The following FBXL7 variants were observed in gnomAD, a reference collection of about 807,000 sequenced individuals.
FBXL7 encodes F-box/LRR-repeat protein 7.
Under a neutral mutation model 38.3 loss-of-function variants are expected in FBXL7, and 12 were observed. That is an observed-to-expected ratio of 0.31 (90% CI 0.20 to 0.51). The LOEUF (loss-of-function observed/expected upper bound fraction) is 0.51, where lower values mean the gene tolerates loss of function less well. Among genes scored for constraint, FBXL7 ranks in the 20% least tolerant of loss-of-function variants. The pLI is 0.98. For missense variants in FBXL7, 567 were observed against 676.4 expected, an observed-to-expected ratio of 0.84 and a Z score of 1.79; for synonymous variants, 297 against 300.9, an observed-to-expected ratio of 0.99 and a Z score of 0.13.
rs114390612 is a variant in FBXL7 at position 15,752,068 on chromosome 5, G to A, written c.127+135996G>A. 5.8e-3 allele frequency among the ~76,000 whole-genome samples: 887 copies of A among 152,268 alleles called. 4 individuals are homozygous for A. The highest frequency in any genetic ancestry group is 0.01 in the Middle Eastern group (3 of 294). ...TGAGTTTATTTCATGTCGATCTTCAGAATTTTAATTTCTAGTGCACTGAAT... is the reference window on the plus strand; with the variant it reads ...TGAGTTTATTTCATGTCGATCTTCAAAATTTTAATTTCTAGTGCACTGAAT... On this transcript the variant is annotated intron_variant, in intron 2 of 3. Coordinates refer to ENST00000504595, the MANE Select transcript of FBXL7 (RefSeq NM_012304.5).
At chr5:15,619,107 C>A (rs1233319566) in intron 2 of FBXL7, among the ~76,000 whole-genome samples, 1 of 152,230 alleles carries the variant, frequency 6.6e-6, no homozygotes, top group East Asian at 1.9e-4. Context: ...CCCTCTTTAC[C>A]CTTAGGAACT....
chr5:15,681,254 G>T (rs1742833887), intron 2 of FBXL7, among the ~76,000 whole-genome samples: 2 of 152,152 alleles, frequency 1.3e-5, no homozygotes, highest in African/African-American at 2.4e-5. Context: ...AGTTAGCAAA[G>T]ATTTCCTTAC....
chr5:15,937,370 A>C lies in FBXL7; in HGVS notation c.*184A>C. ...CAACAGAGGCCAAAGAAACGAAGCA[A>C]GACAAACAGCAAACAGGCATTTTGG... On this transcript the variant is annotated 3_prime_UTR_variant, in exon 4 of 4. Coordinates refer to ENST00000504595, the MANE Select transcript of FBXL7 (RefSeq NM_012304.5). 2.7e-6 allele frequency: 2 copies of C among 728,568 alleles called. No individual in the cohort carries two copies. Among genetic ancestry groups the C allele is most frequent in the Non-Finnish European group, 4.3e-6 (2 of 461,566 alleles). 45.1% of individuals were successfully genotyped at this position (728,568 alleles called of 1,614,324 possible).
At chr5:15,932,693 A>G (rs556486826) in intron 3 of FBXL7, among the ~76,000 whole-genome samples, 2 of 152,046 alleles carry the variant, frequency 1.3e-5, no homozygotes, top group Non-Finnish European at 2.9e-5. Context: ...GGATGTGTCT[A>G]TTATCTTACT....
intron 2 of FBXL7, among the ~76,000 whole-genome samples, chr5:15,755,184 C>T (rs1736264270): frequency 6.6e-6 from 1 of 152,142 alleles, no homozygotes; most frequent in Admixed American, 6.5e-5. Flanking sequence ...CCCTGTAAGC[C>T]TTGAAAAAGG....
At chr5:15,549,963 GTAC>G (rs760787059) in intron 1 of FBXL7, among the ~76,000 whole-genome samples, 3 of 152,176 alleles carry the variant, frequency 2.0e-5, no homozygotes, top group African/African-American at 4.8e-5. Context: ...GGCAGTCATG[GTAC>G]TGCTGCATGC....
intron 2 of FBXL7, among the ~76,000 whole-genome samples, chr5:15,773,140 C>A (rs1736773012): frequency 6.6e-6 from 1 of 152,112 alleles, no homozygotes; most frequent in Non-Finnish European, 1.5e-5. Flanking sequence ...CTCAACTGAT[C>A]CTCCTGCCTT....
chr5:15,533,964 CTT>C (rs1737506209), intron 1 of FBXL7, among the ~76,000 whole-genome samples: 1 of 151,784 alleles, frequency 6.6e-6, no homozygotes, highest in South Asian at 2.1e-4. Context: ...TTTTTTGTCT[CTT>C]TATTATTAAG....
chr5:15,690,388 AT>A (rs139119792), intron 2 of FBXL7, among the ~76,000 whole-genome samples: 4,405 of 152,134 alleles, frequency 0.029, 206 homozygotes, highest in African/African-American at 0.1. Context: ...CTGACGAAAT[AT>A]TTTTTTTAAT....
chr5:15,757,362 C>G (rs191499626), intron 2 of FBXL7, among the ~76,000 whole-genome samples: 2 of 152,150 alleles, frequency 1.3e-5, no homozygotes, highest in African/African-American at 4.8e-5. Flanking sequence ...TGGGCACTTA[C>G]ATTCCTTTGC....
chr5:15,516,013 C>A (rs919008416), intron 1 of FBXL7, among the ~76,000 whole-genome samples: 1 of 152,170 alleles, frequency 6.6e-6, no homozygotes, highest in African/African-American at 2.4e-5. Context: ...GCATAATTAA[C>A]CCAGCTACTA....
chr5:15,565,814 A>G (rs1430940645), intron 1 of FBXL7, among the ~76,000 whole-genome samples: 7 of 152,126 alleles, frequency 4.6e-5, no homozygotes, highest in African/African-American at 1.7e-4. Context: ...ACTAACAGGA[A>G]GCTCAGTCTT....
intron 2 of FBXL7, among the ~76,000 whole-genome samples, chr5:15,885,856 G>A (rs1387701654): frequency 2.0e-5 from 3 of 151,926 alleles, no homozygotes; most frequent in Non-Finnish European, 4.4e-5. Context: ...ATACAGGTGT[G>A]TACCACCTAA....
At position 15,917,649 on chromosome 5, in the gene FBXL7, GGAAGGAA is replaced by G. The variant is rs1561187522; in HGVS notation, c.128-10239_128-10233del. On this transcript the variant is annotated intron_variant, in intron 2 of 3. Transcript: ENST00000504595. ...AAAGAAAGTAAAGGAAGGGAGGGAA[GGAAGGAA>G]GGAAGGAAGGAAGGAAGGAAGGAAG... Among the ~76,000 whole-genome samples, 66 of 127,904 alleles carry G rather than the reference GGAAGGAA, an allele frequency of 5.2e-4. 4 individuals are homozygous for G. Among genetic ancestry groups the G allele is most frequent in the African/African-American group, 2.2e-3 (63 of 28,246 alleles). The allele number at this position is 127,904 out of a possible 152,430, so 83.9% of individuals were successfully genotyped here.
chr5:15,738,137 A>G (rs1429198975), intron 2 of FBXL7, among the ~76,000 whole-genome samples: 1 of 152,124 alleles, frequency 6.6e-6, no homozygotes, highest in Non-Finnish European at 1.5e-5. Flanking sequence ...GATAATTAAC[A>G]CCGACTCTAC....
intron 2 of FBXL7, among the ~76,000 whole-genome samples, chr5:15,833,886 C>G (rs1579504110): frequency 1.3e-5 from 2 of 152,140 alleles, no homozygotes; most frequent in East Asian, 3.8e-4. Context: ...CAAAAATAAG[C>G]ATTTTCATTT....
intron 2 of FBXL7, among the ~76,000 whole-genome samples, chr5:15,623,001 A>G (rs907018104): frequency 6.6e-6 from 1 of 152,170 alleles, no homozygotes; most frequent in African/African-American, 2.4e-5. Flanking sequence ...CACCATGCCC[A>G]GCAAGGGTTT....
At chr5:15,803,586 ATCTC>A (rs542198969) in intron 2 of FBXL7, among the ~76,000 whole-genome samples, 215 of 127,750 alleles carry the variant, frequency 1.7e-3, no homozygotes, top group Non-Finnish European at 2.6e-3. Context: ...TTTCTTCCCT[ATCTC>A]TCTTTCTCTC....
At chr5:15,620,093 A>G (rs1400731129) in intron 2 of FBXL7, among the ~76,000 whole-genome samples, 2 of 152,238 alleles carry the variant, frequency 1.3e-5, no homozygotes, top group Non-Finnish European at 2.9e-5. Context: ...GAAATTGGAT[A>G]GTGATGATAG....
Sources: gnomAD v4.1 joint callset for allele counts (sites outside exome capture counted in the v4.1 genomes callset) on GRCh38, gnomAD v4.1.1 for gene constraint, MANE v1.5 for transcripts, NCBI Gene and HGNC (gene_info 2026-07-23, HGNC 2026-07-21) for gene names.